MAN1C1: variants seen among roughly 807,000 people sequenced by gnomAD.
MAN1C1 encodes the protein mannosyl-oligosaccharide 1,2-alpha-mannosidase IC.
Under a neutral mutation model 71.5 loss-of-function variants are expected in MAN1C1, and 49 were observed. The ratio of observed to expected loss-of-function variants is 0.69; its 90% CI spans 0.54 to 0.87. The LOEUF is 0.87. MAN1C1 is among the 40% of genes least tolerant of loss of function. The probability of loss-of-function intolerance (pLI) is 0.00; values close to 1 mark genes in which losing one functional copy is unlikely to be tolerated. For synonymous variants in MAN1C1, 352 were observed against 343.7 expected (o/e 1.02, Z -0.27); for missense variants, 743 against 835.0 (o/e 0.89, Z 1.36).
chr1:25,773,519 G>C (rs960638695), intron 8 of MAN1C1, among the ~76,000 whole-genome samples: 1 of 152,208 alleles, frequency 6.6e-6, no homozygotes, highest in Non-Finnish European at 1.5e-5. Flanking sequence ...TCCCAGTCTT[G>C]TTCACTCCTG....
At chr1:25,743,927 T>C (rs186146190) in intron 2 of MAN1C1, among the ~76,000 whole-genome samples, 8 of 152,300 alleles carry the variant, frequency 5.3e-5, no homozygotes, top group Non-Finnish European at 1.2e-4. Context: ...TCACAGAGAA[T>C]TGAGCGGCCC....
At chr1:25,643,496 C>T (rs2045566828) in intron 1 of MAN1C1, among the ~76,000 whole-genome samples, 1 of 143,976 alleles carries the variant, frequency 6.9e-6, no homozygotes, top group Non-Finnish European at 1.5e-5. Context: ...GTCACGAACT[C>T]CTGATCTCAG....
At chr1:25,652,254 G>C (rs2045702971) in intron 1 of MAN1C1, among the ~76,000 whole-genome samples, 1 of 152,216 alleles carries the variant, frequency 6.6e-6, no homozygotes, top group Non-Finnish European at 1.5e-5. Flanking sequence ...CAGAGGTCCA[G>C]GAAGCAGGAG....
Position 25,617,985 on chromosome 1 carries a change from T to A in MAN1C1, c.188T>A (p.Leu63Gln). 1 of 1,606,212 alleles carries A rather than the reference T, an allele frequency of 6.2e-7. No homozygotes were observed. Among genetic ancestry groups the A allele is most frequent in the East Asian group, 2.3e-5 (1 of 43,956 alleles). The change falls in exon 1 of 12, where the codon CTG becomes CAG. Residue 63 changes from leucine to glutamine, a missense_variant. Physicochemically the swap from Leu to Gln is moderately radical, Grantham distance 113. Transcript: ENST00000374332. The surrounding 1 kb of genome is among the most constrained non-coding windows in gnomAD (Gnocchi z 5.1). ...GCCCCCCGGACCCAGCAGCCTGGTC[T>A]GGAAGTGGTGGCTGAAATCGCCGGC... ...FLAPRTQQPG[L>Q]EVVAEIAGHA...
chr1:25,631,291 G>A lies in MAN1C1; in HGVS notation c.540+12954G>A. 6.6e-6 allele frequency among the ~76,000 whole-genome samples: 1 copy of A among 152,190 alleles called. No individual in the cohort carries two copies. Among genetic ancestry groups the A allele is most frequent in the East Asian group, 1.9e-4 (1 of 5,200 alleles). Reference sequence around the variant, plus strand: ...CCCAGTGCTATGTTTAATAGAAGTAGTGAAAGTCGGCATCCTTGTCTTGTT... The same window carrying A: ...CCCAGTGCTATGTTTAATAGAAGTAATGAAAGTCGGCATCCTTGTCTTGTT... On this transcript the variant is annotated intron_variant, in intron 1 of 11. Transcript: ENST00000374332. This position sits in a 1 kb window ranked among gnomAD's most constrained non-coding sequence, Gnocchi z 4.2.
chr1:25,674,140 C>A (rs2046032082), intron 1 of MAN1C1, among the ~76,000 whole-genome samples: 1 of 152,226 alleles, frequency 6.6e-6, no homozygotes, highest in African/African-American at 2.4e-5. Flanking sequence ...GCACGCTGCA[C>A]CAAGACCAAA....
At chr1:25,643,243 TTA>T (rs1239218424) in intron 1 of MAN1C1, among the ~76,000 whole-genome samples, 17 of 143,364 alleles carry the variant, frequency 1.2e-4, no homozygotes, top group East Asian at 1.1e-3. Context: ...AATTAATTAA[TTA>T]ATTAATTAAT....
At chr1:25,679,950 A>AT (rs1553185880) in intron 1 of MAN1C1, among the ~76,000 whole-genome samples, 63 of 117,224 alleles carry the variant, frequency 5.4e-4, no homozygotes, top group Non-Finnish European at 8.0e-4. Flanking sequence ...AAAAAAAAAA[A>AT]ATATATATAT....
At chr1:25,637,933 GTA>G (rs1308002796) in intron 1 of MAN1C1, among the ~76,000 whole-genome samples, 6 of 150,210 alleles carry the variant, frequency 4.0e-5, no homozygotes, top group Non-Finnish European at 7.4e-5. Flanking sequence ...TTGTATCTTT[GTA>G]TTTAAAATGT....
Position 25,628,372 on chromosome 1 carries a change from A to G in MAN1C1, c.540+10035A>G, listed in dbSNP as rs139154356. Among the ~76,000 whole-genome samples the G allele has an allele frequency of 5.4e-4, 82 of 152,140 alleles. 2 individuals carry two copies. In the East Asian group the frequency reaches 0.015, roughly 28 times the overall value. ...GCCCAGGCTGGAGTTCAATGGCGTG[A>G]TCTCAGCTCACTGCAAACTCCGCCT... On this transcript the variant is annotated intron_variant, in intron 1 of 11. Coordinates refer to ENST00000374332, the MANE Select transcript of MAN1C1 (RefSeq NM_020379.4).
Position 25,782,498 on chromosome 1 carries a change from T to G in MAN1C1, c.1651-87T>G, listed in dbSNP as rs2047708806. On this transcript the variant is annotated intron_variant, in intron 10 of 11. Coordinates refer to ENST00000374332, the MANE Select transcript of MAN1C1 (RefSeq NM_020379.4). The surrounding 1 kb of genome is among the most constrained non-coding windows in gnomAD (Gnocchi z 4.4). Reference sequence around the variant, plus strand: ...GGGGTGCTGTCTGCTTTCTTCTAGCTCCAGCCTGCCAGGCATGCACAAGTC... The same window carrying G: ...GGGGTGCTGTCTGCTTTCTTCTAGCGCCAGCCTGCCAGGCATGCACAAGTC... 1.2e-6 allele frequency: 1 copy of G among 852,258 alleles called. No individual in the cohort carries two copies. Among genetic ancestry groups the G allele is most frequent in the Non-Finnish European group, 2.0e-6 (1 of 511,340 alleles). The allele number at this position is 852,258 out of a possible 1,614,324, so 52.8% of individuals were successfully genotyped here. A position where few individuals can be genotyped will look rare whatever the true frequency, so the allele number is the denominator to read the frequency against.
chr1:25,658,107 G>A (rs2124091496), intron 1 of MAN1C1, among the ~76,000 whole-genome samples: 1 of 152,344 alleles, frequency 6.6e-6, no homozygotes, highest in Admixed American at 6.5e-5. Flanking sequence ...GGAGCCCCTG[G>A]TCCTGTGCAG....
chr1:25,729,197 C>T (rs910779726), intron 2 of MAN1C1, among the ~76,000 whole-genome samples: 24 of 152,336 alleles, frequency 1.6e-4, no homozygotes, highest in Non-Finnish European at 4.4e-5. Flanking sequence ...TTCCCTCCCC[C>T]GAAACCTATG....
intron 4 of MAN1C1, among the ~76,000 whole-genome samples, chr1:25,750,438 A>G (rs1385415258): frequency 9.8e-6 from 1 of 101,740 alleles, no homozygotes; most frequent in Non-Finnish European, 2.5e-5. Flanking sequence ...CCACCCAGAG[A>G]CAAATAATGA....
rs528400990 is a variant in MAN1C1, at chr1:25,622,544, C to T, written c.540+4207C>T. On this transcript the variant is annotated intron_variant, in intron 1 of 11. Coordinates refer to ENST00000374332, the MANE Select transcript of MAN1C1 (RefSeq NM_020379.4). ...ATTCAAAGGACCCTCACAGTAAGAGCTGTAGTCAGGTTTAGGGGCTTAGCG... is the reference window on the plus strand; with the variant it reads ...ATTCAAAGGACCCTCACAGTAAGAGTTGTAGTCAGGTTTAGGGGCTTAGCG... Among the ~76,000 whole-genome samples the T allele has an allele frequency of 3.3e-5, 5 of 152,338 alleles. No homozygotes were observed. The East Asian group carries it at 9.6e-4, about 29-fold the overall frequency.
intron 1 of MAN1C1, among the ~76,000 whole-genome samples, chr1:25,649,699 G>T (rs986814184): frequency 6.6e-6 from 1 of 152,080 alleles, no homozygotes; most frequent in African/African-American, 2.4e-5. Flanking sequence ...GTACAGTGGC[G>T]CAATCTCAGT....
In MAN1C1 at chr1:25,730,895, T is replaced by C. The variant is rs1416135475; in HGVS notation, c.638-15773T>C. ...GGTTATTGCTAGTACCTTGGACAGA[T>C]GCAGACTCGCTGCTGGCTCAGAGAG... On this transcript the variant is annotated intron_variant, in intron 2 of 11. Transcript: ENST00000374332. This position sits in a 1 kb window ranked among gnomAD's most constrained non-coding sequence, Gnocchi z 4.3. Among the ~76,000 whole-genome samples the C allele has an allele frequency of 6.6e-6, 1 of 152,246 alleles. No homozygotes were observed. Among genetic ancestry groups the C allele is most frequent in the Non-Finnish European group, 1.5e-5 (1 of 68,042 alleles).
intron 1 of MAN1C1, among the ~76,000 whole-genome samples, chr1:25,665,877 T>TTTTTTTA (rs2045916750): frequency 6.7e-6 from 1 of 149,728 alleles, no homozygotes; most frequent in African/African-American, 2.5e-5. Flanking sequence ...TTTTTTTTTT[T>TTTTTTTA]GCAGGAAAGC....
intron 7 of MAN1C1, among the ~76,000 whole-genome samples, chr1:25,765,723 G>A (rs2047418522): frequency 6.6e-6 from 1 of 152,132 alleles, no homozygotes; most frequent in Non-Finnish European, 1.5e-5. Flanking sequence ...ATGCAAGTGG[G>A]GCCTAGAGAG....
Sources: gnomAD v4.1 joint callset for allele counts (sites outside exome capture counted in the v4.1 genomes callset) on GRCh38, gnomAD v4.1.1 for gene constraint, Gnocchi (gnomAD v3.1) non-coding constraint, MANE v1.5 for transcripts, NCBI Gene and HGNC (gene_info 2026-07-23, HGNC 2026-07-21) for gene names.